PRKN: variants seen among roughly 807,000 people sequenced by gnomAD.
The protein encoded by PRKN is parkin RBR E3 ubiquitin protein ligase.
A neutral mutation model predicts 59.5 loss-of-function variants in PRKN; 56 were observed. The ratio of observed to expected loss-of-function variants is 0.94; its 90% CI spans 0.76 to 1.18. The LOEUF is 1.18. PRKN is among the 50% of genes most tolerant of loss of function. The pLI, the probability that PRKN is intolerant of heterozygous loss-of-function variation, is 0.00. For synonymous variants in PRKN, 250 were observed against 222.1 expected (o/e 1.13, Z -1.12); for missense variants, 657 against 596.4 (o/e 1.10, Z -1.06).
At chr6:162,680,333 G>A (rs950462188) in intron 1 of PRKN, among the ~76,000 whole-genome samples, 4 of 150,782 alleles carry the variant, frequency 2.7e-5, no homozygotes, top group Non-Finnish European at 4.4e-5. Flanking sequence ...ATATTTATAT[G>A]TACTGTATGT....
intron 4 of PRKN, among the ~76,000 whole-genome samples, chr6:162,139,438 C>T (rs763804312): frequency 2.0e-5 from 3 of 152,092 alleles, no homozygotes; most frequent in African/African-American, 4.8e-5. Context: ...CACAGAAAGA[C>T]GAATACAGGC....
intron 1 of PRKN, among the ~76,000 whole-genome samples, chr6:162,474,145 C>T (rs537284192): frequency 6.6e-6 from 1 of 152,216 alleles, no homozygotes; most frequent in East Asian, 1.9e-4. Context: ...TCTGAGAGAA[C>T]AAAGTACAGA....
At chr6:161,613,349 T>C (rs1207762726) in intron 7 of PRKN, among the ~76,000 whole-genome samples, 1 of 151,338 alleles carries the variant, frequency 6.6e-6, no homozygotes, top group African/African-American at 2.4e-5. Flanking sequence ...AGGAGTTGCT[T>C]CTTATGGATG....
chr6:161,830,269 T>G (rs1792432555), intron 6 of PRKN, among the ~76,000 whole-genome samples: 1 of 151,684 alleles, frequency 6.6e-6, no homozygotes, highest in Non-Finnish European at 1.5e-5. Flanking sequence ...TTTTTTTTTT[T>G]GAGATGGAGT....
intron 5 of PRKN, among the ~76,000 whole-genome samples, chr6:162,016,921 C>A (rs192442952): frequency 9.0e-4 from 137 of 152,192 alleles, no homozygotes; most frequent in African/African-American, 3.3e-3. Context: ...CACGCCAACT[C>A]CACCTTCCGA....
chr6:161,907,795 C>T (rs1314833288), intron 6 of PRKN, among the ~76,000 whole-genome samples: 3 of 152,106 alleles, frequency 2.0e-5, no homozygotes, highest in African/African-American at 4.8e-5. Flanking sequence ...AAAGAATTTC[C>T]GGCGAGGCGC....
intron 1 of PRKN, among the ~76,000 whole-genome samples, chr6:162,599,152 C>T (rs534011986): frequency 3.3e-5 from 5 of 152,266 alleles, no homozygotes; most frequent in African/African-American, 1.2e-4. Context: ...ACCAGAAAAG[C>T]TGGCTCGGTG....
At chr6:162,396,780 G>A (rs962151064) in intron 2 of PRKN, among the ~76,000 whole-genome samples, 27 of 152,050 alleles carry the variant, frequency 1.8e-4, no homozygotes, top group African/African-American at 6.3e-4. Flanking sequence ...TTATACAAAA[G>A]AAGCAATCAT....
At chr6:162,325,632 G>A (rs1562671985) in intron 2 of PRKN, among the ~76,000 whole-genome samples, 1 of 152,074 alleles carries the variant, frequency 6.6e-6, no homozygotes, top group African/African-American at 2.4e-5. Context: ...TTCCCCGAAA[G>A]CTCAGCCCAA....
intron 4 of PRKN, among the ~76,000 whole-genome samples, chr6:162,180,023 T>G (rs1783730609): frequency 6.7e-6 from 1 of 149,940 alleles, no homozygotes; most frequent in South Asian, 2.1e-4. Context: ...TGTAGCAAAG[T>G]CTACATCCTA....
chr6:162,291,520 A>G (rs2128109413), intron 2 of PRKN, among the ~76,000 whole-genome samples: 1 of 152,144 alleles, frequency 6.6e-6, no homozygotes, highest in East Asian at 1.9e-4. Flanking sequence ...CCAGCACTTC[A>G]CGGGAGGGTG....
Position 161,606,107 on chromosome 6 carries a change from C to T in PRKN, c.872-36691G>A, listed in dbSNP as rs181289616. Among the ~76,000 whole-genome samples the T allele has an allele frequency of 3.9e-5, 6 of 152,150 alleles. 2 individuals are homozygous for T. Among genetic ancestry groups the T allele is most frequent in the Admixed American group, 3.3e-4 (5 of 15,288 alleles). On this transcript the variant is annotated intron_variant, in intron 7 of 11. Coordinates refer to ENST00000366898, the MANE Select transcript of PRKN (RefSeq NM_004562.3). The stretch of plus-strand genomic sequence containing the variant: ...CATGGACAGAGACTGTTTTTCTATC[C>T]CAAAGGTCTGGGGGAGCCATAAAAA...
intron 2 of PRKN, among the ~76,000 whole-genome samples, chr6:162,325,517 A>G (rs913192511): frequency 6.6e-6 from 1 of 152,100 alleles, no homozygotes; most frequent in East Asian, 1.9e-4. Context: ...GGGTCTACAG[A>G]GGCTCTACCA....
At chr6:161,764,901 T>C (rs950755483) in intron 7 of PRKN, among the ~76,000 whole-genome samples, 2 of 152,210 alleles carry the variant, frequency 1.3e-5, no homozygotes, top group African/African-American at 2.4e-5. Flanking sequence ...ATGTTTTCTC[T>C]TGTATTCAAA....
At chr6:161,710,223 C>A (rs1786680568) in intron 7 of PRKN, among the ~76,000 whole-genome samples, 1 of 151,970 alleles carries the variant, frequency 6.6e-6, no homozygotes, top group Admixed American at 6.6e-5. Flanking sequence ...AATCTTATGT[C>A]ATCCTTAAAA....
rs900162941 is a variant in PRKN at position 161,538,390 on chromosome 6, C to T, written c.1083+10464G>A. On this transcript the variant is annotated intron_variant, in intron 9 of 11. Coordinates refer to ENST00000366898, the MANE Select transcript of PRKN (RefSeq NM_004562.3). This position sits in a 1 kb window ranked among gnomAD's most constrained non-coding sequence, Gnocchi z 4.2. Reference sequence around the variant, plus strand: ...GACTTTAAGAAATCTCCTTCTTAGTCTCTATCCACAACCTCAACTTCTTAA... The same window carrying T: ...GACTTTAAGAAATCTCCTTCTTAGTTTCTATCCACAACCTCAACTTCTTAA... 1.3e-5 allele frequency among the ~76,000 whole-genome samples: 2 copies of T among 152,132 alleles called. No individual in the cohort carries two copies. Among genetic ancestry groups the T allele is most frequent in the African/African-American group, 4.8e-5 (2 of 41,426 alleles).
chr6:162,520,901 G>C (rs1056934384), intron 1 of PRKN, among the ~76,000 whole-genome samples: 1 of 152,030 alleles, frequency 6.6e-6, no homozygotes, highest in Non-Finnish European at 1.5e-5. Context: ...TTTTACAAAT[G>C]AGCTTTAAAC....
At chr6:162,501,352 C>CT (rs398038329) in intron 1 of PRKN, among the ~76,000 whole-genome samples, 23,232 of 139,510 alleles carry the variant, frequency 0.17, 2,126 homozygotes, top group Non-Finnish European at 0.18. Context: ...CCCTTTTTTC[C>CT]TTTTTTTTTT....
chr6:161,486,780 A>G (rs1012199178), intron 9 of PRKN, among the ~76,000 whole-genome samples: 18 of 152,222 alleles, frequency 1.2e-4, no homozygotes, highest in African/African-American at 2.7e-4. Context: ...TCTAGGATTT[A>G]TATGTTACAG....
Sources: allele counts gnomAD v4.1 joint callset (sites outside exome capture counted in the v4.1 genomes callset), GRCh38; gene constraint gnomAD v4.1.1; non-coding constraint Gnocchi (gnomAD v3.1); transcripts MANE v1.5; gene names NCBI Gene and HGNC (gene_info 2026-07-23, HGNC 2026-07-21).